Variants in PCDH15 observed in about 807,000 individuals in gnomAD.
The protein encoded by PCDH15 is protocadherin related 15.
Under a neutral mutation model 178.5 loss-of-function variants are expected in PCDH15, and 129 were observed. The observed-to-expected ratio is 0.72, with a 90% CI of 0.63 to 0.84. The LOEUF is 0.84. Among genes scored for constraint, PCDH15 ranks in the 40% least tolerant of loss-of-function variants. The pLI is 0.00. For synonymous variants in PCDH15, 800 were observed against 732.0 expected (o/e 1.09, Z -1.50); for missense variants, 2,230 against 2,099.9 (o/e 1.06, Z -1.21).
At chr10:54,462,055 C>T (rs1171211919) in intron 3 of PCDH15, among the ~76,000 whole-genome samples, 3 of 151,958 alleles carry the variant, frequency 2.0e-5, no homozygotes, top group Non-Finnish European at 4.4e-5. Context: ...ATAGTCAATG[C>T]AAATAAAAAA....
intron 2 of PCDH15, among the ~76,000 whole-genome samples, chr10:54,616,738 C>A (rs1187148484): frequency 6.6e-6 from 1 of 152,040 alleles, no homozygotes; most frequent in East Asian, 1.9e-4. Context: ...GAACTGGAAC[C>A]CAAGAGACGT....
At chr10:55,242,773 C>T (rs1341359304) in intron 1 of PCDH15, among the ~76,000 whole-genome samples, 2 of 152,192 alleles carry the variant, frequency 1.3e-5, no homozygotes, top group Middle Eastern at 3.4e-3. Flanking sequence ...ATCATCTGTG[C>T]CCAGGAGGTT....
chr10:54,026,500 C>T (rs995339279), intron 18 of PCDH15, among the ~76,000 whole-genome samples: 4 of 152,120 alleles, frequency 2.6e-5, no homozygotes, highest in South Asian at 4.1e-4. Flanking sequence ...GTATAAATTA[C>T]GATATGTCAA....
At chr10:53,849,448 C>T (rs985728037) in intron 28 of PCDH15, among the ~76,000 whole-genome samples, 9 of 152,064 alleles carry the variant, frequency 5.9e-5, no homozygotes, top group Admixed American at 2.6e-4. Flanking sequence ...ACATATCTAT[C>T]TGAAGCAAAC....
chr10:54,127,566 T>G (rs12253489), intron 15 of PCDH15, among the ~76,000 whole-genome samples: 4,351 of 152,300 alleles, frequency 0.029, 222 homozygotes, highest in African/African-American at 0.098. Context: ...AATATCCAAT[T>G]AAGAGTCTAG....
chr10:55,073,420 T>C (rs1841802109), intron 2 of PCDH15, among the ~76,000 whole-genome samples: 1 of 152,120 alleles, frequency 6.6e-6, no homozygotes. Flanking sequence ...ACAAAATCAA[T>C]GTACAAAAAA....
intron 18 of PCDH15, among the ~76,000 whole-genome samples, chr10:54,041,621 A>G (rs750447276): frequency 7.9e-5 from 12 of 152,142 alleles, no homozygotes; most frequent in Non-Finnish European, 1.5e-4. Flanking sequence ...AATGGGAAAG[A>G]CAAATGTCAA....
intron 2 of PCDH15, among the ~76,000 whole-genome samples, chr10:54,945,470 T>C (rs977757376): frequency 1.9e-4 from 29 of 151,728 alleles, no homozygotes; most frequent in African/African-American, 5.3e-4. Context: ...CCTTTTTTTT[T>C]TGGTGTTTTT....
At chr10:53,992,182 A>G (rs1166902450) in intron 21 of PCDH15, among the ~76,000 whole-genome samples, 1 of 152,182 alleles carries the variant, frequency 6.6e-6, no homozygotes, top group African/African-American at 2.4e-5. Flanking sequence ...TAAGAGCTGT[A>G]ACACTCACTG....
intron 2 of PCDH15, among the ~76,000 whole-genome samples, chr10:55,609,021 C>CAA (rs1564481510): frequency 6.6e-6 from 1 of 150,970 alleles, no homozygotes; most frequent in East Asian, 1.9e-4. Context: ...TATATACACA[C>CAA]ACACACACAC....
intron 2 of PCDH15, among the ~76,000 whole-genome samples, chr10:54,649,645 ATGTG>A (rs1167359418): frequency 6.6e-6 from 1 of 152,074 alleles, no homozygotes; most frequent in Non-Finnish European, 1.5e-5. Flanking sequence ...ACACATATAC[ATGTG>A]TGTGTATGTG....
intron 2 of PCDH15, among the ~76,000 whole-genome samples, chr10:55,037,135 A>C (rs1277647411): frequency 1.3e-5 from 2 of 152,230 alleles, no homozygotes; most frequent in Admixed American, 1.3e-4. Flanking sequence ...CAAGCTAATC[A>C]AAACTAATTA....
chr10:54,743,260 G>T (rs1262643468), intron 1 of PCDH15, among the ~76,000 whole-genome samples: 2 of 151,942 alleles, frequency 1.3e-5, no homozygotes, highest in African/African-American at 4.8e-5. Flanking sequence ...TTTTTATTCA[G>T]GCATTTGAGG....
At chr10:54,204,759 G>C (rs914057059) in intron 10 of PCDH15, among the ~76,000 whole-genome samples, 3 of 152,048 alleles carry the variant, frequency 2.0e-5, no homozygotes, top group Non-Finnish European at 4.4e-5. Flanking sequence ...ACATTATGAA[G>C]ATACGTGAAA....
intron 8 of PCDH15, among the ~76,000 whole-genome samples, chr10:54,312,574 C>A (rs780149341): frequency 6.6e-6 from 1 of 151,986 alleles, no homozygotes; most frequent in Non-Finnish European, 1.5e-5. Context: ...TTGTGACAAC[C>A]CACTGTCTTG....
At chr10:55,145,681 A>C (rs1464521514) in intron 2 of PCDH15, among the ~76,000 whole-genome samples, 1 of 152,000 alleles carries the variant, frequency 6.6e-6, no homozygotes, top group Non-Finnish European at 1.5e-5. Flanking sequence ...CATTCTGCCT[A>C]AATGTAAATC....
chr10:54,689,531 CA>C (rs1483378268), intron 1 of PCDH15, among the ~76,000 whole-genome samples: 1 of 152,126 alleles, frequency 6.6e-6, no homozygotes, highest in Non-Finnish European at 1.5e-5. Flanking sequence ...AAGCACTGTG[CA>C]AAAGTCAGCA....
At chr10:54,007,334 A>C (rs558027400) in intron 20 of PCDH15, among the ~76,000 whole-genome samples, 1 of 152,128 alleles carries the variant, frequency 6.6e-6, no homozygotes, top group East Asian at 1.9e-4. Context: ...CTAAATATTT[A>C]GTATATCTAG....
chr10:55,027,931 G>A (rs1840516344), intron 2 of PCDH15, among the ~76,000 whole-genome samples: 2 of 151,674 alleles, frequency 1.3e-5, no homozygotes, highest in East Asian at 1.9e-4. Context: ...TATTGGGGAG[G>A]AAAAATAGAA....
Sources: gnomAD v4.1 joint callset for allele counts (sites outside exome capture counted in the v4.1 genomes callset) on GRCh38, gnomAD v4.1.1 for gene constraint, MANE v1.5 for transcripts, NCBI Gene and HGNC (gene_info 2026-07-23, HGNC 2026-07-21) for gene names.